The following RNF212B variants were observed in gnomAD, a reference collection of about 807,000 sequenced individuals.
The protein encoded by RNF212B is E3 ubiquitin-protein ligase RNF212B.
RNF212B carries 52 observed loss-of-function variants against 55.5 expected under a neutral mutation model. That is an observed-to-expected ratio of 0.94 (90% CI 0.75 to 1.18). The LOEUF is 1.18. Ranked by LOEUF, RNF212B falls within the 50% of genes most tolerant of loss-of-function variation. The probability of loss-of-function intolerance (pLI) is 0.00; values close to 1 mark genes in which losing one functional copy is unlikely to be tolerated. For missense variants in RNF212B, 289 were observed against 350.4 expected (o/e 0.82, Z 1.40); for synonymous variants, 99 against 121.4 (o/e 0.82, Z 1.21).
intron 14 of RNF212B, among the ~76,000 whole-genome samples, chr14:23,271,032 T>C (rs902442653): frequency 8.5e-5 from 13 of 152,204 alleles, no homozygotes; most frequent in African/African-American, 3.1e-4. Context: ...CCACATTTAC[T>C]TCTCCAGAGA....
At chr14:23,223,400 G>A (rs1190870685) in intron 2 of RNF212B, among the ~76,000 whole-genome samples, 1 of 151,680 alleles carries the variant, frequency 6.6e-6, no homozygotes, top group African/African-American at 2.4e-5. Context: ...CTGTCGCTCA[G>A]GCTGGAGTGC....
chr14:23,217,832 A>G (rs1373800223), intron 2 of RNF212B, among the ~76,000 whole-genome samples: 2 of 152,052 alleles, frequency 1.3e-5, no homozygotes, highest in African/African-American at 4.8e-5. Context: ...GACACTGATG[A>G]ACATCTACAA....
chr14:23,190,071 C>A (rs1388780859), intron 1 of RNF212B, among the ~76,000 whole-genome samples: 1 of 152,130 alleles, frequency 6.6e-6, no homozygotes, highest in African/African-American at 2.4e-5. Context: ...ATGTGGCCAG[C>A]TAATGGCTCT....
At chr14:23,267,430 T>C (rs190315258) in intron 11 of RNF212B, among the ~76,000 whole-genome samples, 2 of 152,102 alleles carry the variant, frequency 1.3e-5, no homozygotes, top group East Asian at 3.9e-4. Context: ...TTGTCTCTTG[T>C]AACAATTTTT....
chr14:23,244,334 GAGA>G lies in RNF212B; in HGVS notation c.170_172del (p.Lys57del). Reference sequence around the variant, plus strand: ...GCTCTCTTCGTAGCTGAAGCCTCAGGAGAAGATGTTTTTCAAAAGTCCTGTGGA... The same window carrying G: ...GCTCTCTTCGTAGCTGAAGCCTCAGGAGATGTTTTTCAAAAGTCCTGTGGA... On this transcript the variant is annotated inframe_deletion, in exon 4 of 15. Coordinates refer to ENST00000430154, the MANE Select transcript of RNF212B (RefSeq NM_001282322.3). 4 of 1,543,610 alleles carry G rather than the reference GAGA, an allele frequency of 2.6e-6. No individual in the cohort carries two copies. The highest frequency in any genetic ancestry group is 3.5e-6 in the Non-Finnish European group (4 of 1,142,948).
chr14:23,191,913 A>C (rs1191788006), intron 1 of RNF212B, among the ~76,000 whole-genome samples: 1 of 152,240 alleles, frequency 6.6e-6, no homozygotes, highest in Non-Finnish European at 1.5e-5. Flanking sequence ...TTTCAAGATA[A>C]ATTTTATTCA....
At chr14:23,218,773 T>A (rs1337641209) in intron 2 of RNF212B, among the ~76,000 whole-genome samples, 1 of 152,114 alleles carries the variant, frequency 6.6e-6, no homozygotes, top group African/African-American at 2.4e-5. Context: ...GGTAGAAAGT[T>A]TATTCAAAGG....
chr14:23,222,968 C>G (rs1405041587), intron 2 of RNF212B, among the ~76,000 whole-genome samples: 1 of 149,772 alleles, frequency 6.7e-6, no homozygotes, highest in Non-Finnish European at 1.5e-5. Context: ...GCAGGAGAAT[C>G]GCTTGAACCT....
chr14:23,263,047 G>A, intron 9 of RNF212B, 77 bp downstream of exon 9: 5 of 1,318,702 alleles, frequency 3.8e-6, no homozygotes, highest in South Asian at 2.5e-5. Context: ...AGCTCAGATT[G>A]GGACTGATGA....
At chr14:23,248,529 C>A (rs186185710) in intron 4 of RNF212B, among the ~76,000 whole-genome samples, 1 of 149,820 alleles carries the variant, frequency 6.7e-6, no homozygotes. Flanking sequence ...GCAATCTCCG[C>A]CTCCCGGGTT....
intron 13 of RNF212B, 94 bp downstream of exon 13, chr14:23,270,054 G>T: frequency 1.3e-6 from 1 of 750,714 alleles, no homozygotes. Context: ...GTTGAGGTTT[G>T]CCCCCCAAAG....
intron 2 of RNF212B, among the ~76,000 whole-genome samples, chr14:23,210,011 GCATGAT>G (rs1238357841): frequency 4.6e-5 from 7 of 152,106 alleles, no homozygotes; most frequent in African/African-American, 1.7e-4. Flanking sequence ...AAATTAGCTG[GCATGAT>G]GTGTGTGCCT....
rs1885948234 is a variant in RNF212B at position 23,269,865 on chromosome 14, C to G, written c.677C>G (p.Thr226Ser). ...ATGCTTTTATTTGCTTTCCTTAGAA[C>G]TTCATCTGCCTCCTCTGGACAGGGG... ...PASTHSLSYR[T>S]SSASSGQGIF... is the part of the protein sequence containing the mutation. The change falls in exon 13 of 15, where the codon ACT becomes AGT. Residue 226 changes from threonine (T) to serine (S), a missense_variant and splice_region_variant. Transcript: ENST00000430154. 9.8e-6 allele frequency: 15 copies of G among 1,532,880 alleles called. No individual in the cohort carries two copies. Among genetic ancestry groups the G allele is most frequent in the Non-Finnish European group, 1.2e-5 (14 of 1,131,240 alleles). 95.0% of individuals were successfully genotyped at this position (1,532,880 alleles called of 1,614,324 possible).
intron 9 of RNF212B, among the ~76,000 whole-genome samples, 178 bp from the exon 10 acceptor site, chr14:23,263,996 G>A (rs150440309): frequency 1.2e-3 from 184 of 152,240 alleles, no homozygotes; most frequent in African/African-American, 4.1e-3. Flanking sequence ...GCTGAGGCAT[G>A]AGAATCACTT....
chr14:23,236,227 A>C (rs1036594992), upstream of RNF212B, among the ~76,000 whole-genome samples: 9 of 152,178 alleles, frequency 5.9e-5, no homozygotes, highest in Non-Finnish European at 1.3e-4. Context: ...ATTTATATTA[A>C]CATTTTGGCC....
intron 4 of RNF212B, among the ~76,000 whole-genome samples, chr14:23,252,148 C>T (rs904310723): frequency 3.3e-5 from 5 of 152,208 alleles, no homozygotes; most frequent in Admixed American, 1.3e-4. Context: ...TTTGGTTCCC[C>T]TGGCAACAAG....
intron 4 of RNF212B, among the ~76,000 whole-genome samples, chr14:23,257,162 A>AAT (rs1884904074): frequency 1.3e-5 from 2 of 151,358 alleles, no homozygotes. Flanking sequence ...CACACACACA[A>AAT]AAAAAATAAA....
At chr14:23,205,068 C>G (rs1470958889) in intron 2 of RNF212B, among the ~76,000 whole-genome samples, 1 of 152,006 alleles carries the variant, frequency 6.6e-6, no homozygotes, top group Non-Finnish European at 1.5e-5. Context: ...CCTGAACATC[C>G]CTCCTTCTTA....
intron 1 of RNF212B, among the ~76,000 whole-genome samples, chr14:23,191,365 A>C (rs1878106053): frequency 6.6e-6 from 1 of 151,420 alleles, no homozygotes. Context: ...AAAAAAAAAA[A>C]AAAGCAAGAA....
Sources: gnomAD v4.1 joint callset for allele counts (sites outside exome capture counted in the v4.1 genomes callset) on GRCh38, gnomAD v4.1.1 for gene constraint, MANE v1.5 for transcripts, NCBI Gene and HGNC (gene_info 2026-07-23, HGNC 2026-07-21) for gene names.